NOX4: variants seen among roughly 807,000 people sequenced by gnomAD.
NOX4 encodes the protein NADPH oxidase 4.
A neutral mutation model predicts 87.6 loss-of-function variants in NOX4; 69 were observed. The observed-to-expected ratio is 0.79, with a 90% CI of 0.65 to 0.96. The LOEUF (loss-of-function observed/expected upper bound fraction) is 0.96. Among genes scored for constraint, NOX4 ranks in the 40% least tolerant of loss-of-function variants. The pLI, the probability that NOX4 is intolerant of heterozygous loss-of-function variation, is 0.00. For synonymous variants in NOX4, 275 were observed against 238.2 expected (o/e 1.15, Z -1.42); for missense variants, 680 against 681.5 (o/e 1.00, Z 0.02).
At chr11:89,388,991 T>C (rs1447100208) in intron 11 of NOX4, among the ~76,000 whole-genome samples, 1 of 152,230 alleles carries the variant, frequency 6.6e-6, no homozygotes, top group Non-Finnish European at 1.5e-5. Context: ...AAAGATTATG[T>C]TAATTTTCAT....
At chr11:89,467,127 T>C (rs1023085814) in intron 2 of NOX4, among the ~76,000 whole-genome samples, 1 of 151,766 alleles carries the variant, frequency 6.6e-6, no homozygotes, top group African/African-American at 2.4e-5. Context: ...GGCAGGCGGA[T>C]CACGAGATCA....
the NOX4 span, among the ~76,000 whole-genome samples, chr11:89,555,140 A>C: frequency 6.6e-6 from 1 of 151,690 alleles, no homozygotes; most frequent in Non-Finnish European, 1.5e-5. Flanking sequence ...AATTAATTCC[A>C]TTCTTTTTGC....
intron 8 of NOX4, among the ~76,000 whole-genome samples, chr11:89,408,669 A>G (rs117527150): frequency 0.018 from 2,811 of 152,252 alleles, 81 homozygotes; most frequent in East Asian, 0.13. Context: ...CTGCAGCTTA[A>G]CCACAGCAGG....
chr11:89,460,147 T>C lies in NOX4; in HGVS notation c.154-8252A>G, dbSNP rs1945385642. On this transcript the variant is annotated intron_variant, in intron 2 of 17. Transcript: ENST00000263317. ...AACTGGATCCCTTCCTTACACCTTA[T>C]ACAAAAATTAATTCAAGATGGATTA... 2.6e-5 allele frequency among the ~76,000 whole-genome samples: 4 copies of C among 152,150 alleles called. 1 individual carries two copies. The South Asian group carries it at 8.3e-4, about 31-fold the overall frequency.
rs181444246 is a variant in NOX4 at position 89,427,228 on chromosome 11, C to G, written c.549-5246G>C. On this transcript the variant is annotated intron_variant, in intron 7 of 17. Coordinates refer to ENST00000263317, the MANE Select transcript of NOX4 (RefSeq NM_016931.5). ...ACACCAAAACCTCATTCGCATGTCA[C>G]CATCATCAAAGACCAAAGACAGATA... Among the ~76,000 whole-genome samples the G allele has an allele frequency of 3.9e-5, 6 of 152,168 alleles. No homozygotes were observed. The East Asian group carries it at 1.2e-3, about 29-fold the overall frequency.
intron 4 of NOX4, among the ~76,000 whole-genome samples, chr11:89,445,581 T>C (rs1006006249): frequency 6.6e-6 from 1 of 152,154 alleles, no homozygotes; most frequent in Non-Finnish European, 1.5e-5. Flanking sequence ...TACAGTCAAT[T>C]GATCTTTGGC....
intron 2 of NOX4, among the ~76,000 whole-genome samples, chr11:89,469,561 G>A (rs919658879): frequency 1.1e-4 from 16 of 151,970 alleles, no homozygotes; most frequent in African/African-American, 3.4e-4. Flanking sequence ...CTTTCATGGC[G>A]CCTTACAAAC....
At chr11:89,464,540 A>G (rs1945597196) in intron 2 of NOX4, among the ~76,000 whole-genome samples, 1 of 152,174 alleles carries the variant, frequency 6.6e-6, no homozygotes, top group Admixed American at 6.5e-5. Context: ...TTATTAATCC[A>G]TAAGCTTCAC....
intron 12 of NOX4, among the ~76,000 whole-genome samples, chr11:89,365,753 CAAAAAAAAAAA>C (rs1213376592): frequency 3.5e-5 from 2 of 56,660 alleles, no homozygotes; most frequent in African/African-American, 6.7e-5. Flanking sequence ...ACCACGCCCA[CAAAAAAAAAAA>C]AAAAAAAAAA....
At chr11:89,456,415 T>C (rs781085244) in intron 2 of NOX4, among the ~76,000 whole-genome samples, 7 of 152,100 alleles carry the variant, frequency 4.6e-5, no homozygotes, top group Non-Finnish European at 1.0e-4. Context: ...AGACCCAAGA[T>C]GGCCGACTAG....
rs1387577765 is a variant in NOX4 at position 89,449,423 on chromosome 11, T to C, written c.349+17A>G. 2 of 1,534,642 alleles carry C rather than the reference T, an allele frequency of 1.3e-6. No individual in the cohort carries two copies. Among genetic ancestry groups the C allele is most frequent in the East Asian group, 2.3e-5 (1 of 43,976 alleles). On this transcript the variant is annotated intron_variant, in intron 4 of 17. Transcript: ENST00000263317. Reference sequence around the variant, plus strand: ...TGTAATTCTAACAAATTATTTAATATCTTGTGGCTTTCTCACCTGAGAAAA... The same window carrying C: ...TGTAATTCTAACAAATTATTTAATACCTTGTGGCTTTCTCACCTGAGAAAA...
At chr11:89,589,362 A>G in the NOX4 span, 1 of 152,180 alleles carries the variant, frequency 6.6e-6, no homozygotes, top group Non-Finnish European at 1.5e-5. Context: ...GGCTGATCCA[A>G]TGATTGTTTT....
Position 89,432,661 on chromosome 11 carries a change from C to A in NOX4, c.548+123G>T, listed in dbSNP as rs1027979777. 23 of 648,984 alleles carry A rather than the reference C, an allele frequency of 3.5e-5. No homozygotes were observed. The Admixed American group carries it at 5.8e-4, about 16-fold the overall frequency. 40.2% of individuals were successfully genotyped at this position (648,984 alleles called of 1,614,324 possible). On this transcript the variant is annotated intron_variant, in intron 7 of 17. Transcript: ENST00000263317. ...CATGTATAGAAACAGCTATACTTCACTCTTACTTACCCAGAATAGTCCATT... is the reference window on the plus strand; with the variant it reads ...CATGTATAGAAACAGCTATACTTCAATCTTACTTACCCAGAATAGTCCATT...
intron 7 of NOX4, among the ~76,000 whole-genome samples, chr11:89,426,259 A>G (rs113528181): frequency 0.057 from 8,688 of 152,234 alleles, 784 homozygotes; most frequent in African/African-American, 0.19. Flanking sequence ...CAAAATGGCC[A>G]AATAGGAACA....
At chr11:89,470,076 AAAT>A (rs3066903) in intron 2 of NOX4, among the ~76,000 whole-genome samples, 75,684 of 149,424 alleles carry the variant, frequency 0.51, 19,465 homozygotes, top group East Asian at 0.69. Flanking sequence ...TGCAAAATGA[AAAT>A]AATAATAATA....
chr11:89,467,349 C>CAAAAAAAAAAAAAAAAAAAA (rs71052233), intron 2 of NOX4, among the ~76,000 whole-genome samples: 2 of 61,460 alleles, frequency 3.3e-5, no homozygotes, highest in African/African-American at 1.1e-4. Context: ...AAACTCGTCA[C>CAAAAAAAAAAAAAAAAAAAA]AAAAAAAAAA....
chr11:89,386,049 T>C (rs1940678314), intron 11 of NOX4, among the ~76,000 whole-genome samples: 2 of 152,246 alleles, frequency 1.3e-5, no homozygotes, highest in South Asian at 4.1e-4. Flanking sequence ...GGACTAATGG[T>C]CTTTTAAAAA....
the NOX4 span, chr11:89,545,728 C>T: frequency 6.8e-6 from 1 of 146,944 alleles, no homozygotes; most frequent in Admixed American, 6.8e-5. Context: ...AAAAAAAGCT[C>T]TCACCATCAT....
At chr11:89,328,407 G>A (rs1306469648) in intron 17 of NOX4, among the ~76,000 whole-genome samples, 1 of 152,132 alleles carries the variant, frequency 6.6e-6, no homozygotes, top group Non-Finnish European at 1.5e-5. Context: ...GCAAGGAGTA[G>A]AGGGGATATT....
Sources: gnomAD v4.1 joint callset for allele counts (sites outside exome capture counted in the v4.1 genomes callset) on GRCh38, gnomAD v4.1.1 for gene constraint, MANE v1.5 for transcripts, NCBI Gene and HGNC (gene_info 2026-07-23, HGNC 2026-07-21) for gene names.